TTC31: variants seen among roughly 807,000 people sequenced by gnomAD.
The protein encoded by TTC31 is tetratricopeptide repeat protein 31.
A neutral mutation model predicts 60.4 loss-of-function variants in TTC31; 59 were observed. The observed-to-expected ratio is 0.98, with a 90% CI of 0.79 to 1.21. The LOEUF (loss-of-function observed/expected upper bound fraction) is 1.21. Ranked by LOEUF, TTC31 falls within the 50% of genes most tolerant of loss-of-function variation. The pLI, the probability that TTC31 is intolerant of heterozygous loss-of-function variation, is 0.00. For synonymous variants in TTC31, 225 were observed against 249.6 expected (o/e 0.90, Z 0.93); for missense variants, 672 against 646.9 (o/e 1.04, Z -0.42).
At chr2:74,489,239 G>C (rs774784467) in intron 2 of TTC31, among the ~76,000 whole-genome samples, 3 of 152,202 alleles carry the variant, frequency 2.0e-5, no homozygotes, top group Non-Finnish European at 4.4e-5. Context: ...GAGATGAAAG[G>C]GTCTGGGAAG....
At chr2:74,489,060 G>T (rs931019798) in intron 2 of TTC31, among the ~76,000 whole-genome samples, 1 of 152,088 alleles carries the variant, frequency 6.6e-6, no homozygotes, top group African/African-American at 2.4e-5. Context: ...CACCTCAAAA[G>T]AAAAAATAAC....
At position 74,490,711 on chromosome 2, in the gene TTC31, A is replaced by G. The variant is rs1208666628; in HGVS notation, c.518A>G (p.Lys173Arg). 3.1e-6 allele frequency: 5 copies of G among 1,613,498 alleles called. No homozygotes were observed. The highest frequency in any genetic ancestry group is 4.2e-6 in the Non-Finnish European group (5 of 1,179,816). ...LVAEEERMKQKAEKKRLKKKR... is the reference protein window; with the variant it reads ...LVAEEERMKQRAEKKRLKKKR... ...GCTGAGGAGGAGCGCATGAAACAGA[A>G]AGCAGAGAAAAAGCGACTCAAGAAG... Residue 173 changes from lysine to arginine, a missense_variant, in exon 5 of 13, where the codon AAA (lysine) becomes AGA (arginine). By Grantham distance (26) the Lys-to-Arg change is conservative. Transcript: ENST00000233623.
Position 74,493,005 on chromosome 2 carries a change from A to C in TTC31, c.1347A>C (p.Ser449=). Reference sequence around the variant, plus strand: ...TTCCCCATGCTGAGCTGGCACCCTCAGGCCTACCTTCCCTCAGGTGCCCTC... The same window carrying C: ...TTCCCCATGCTGAGCTGGCACCCTCCGGCCTACCTTCCCTCAGGTGCCCTC... The part of the protein sequence containing the change: ...QPLPHAELAP[S]GLPSLRCPRS... Residue 449 remains serine (S), a synonymous_variant, in exon 13 of 13, where the codon TCA becomes TCC. Transcript: ENST00000233623. The C allele has an allele frequency of 6.2e-7, 1 of 1,614,148 alleles. No individual in the cohort carries two copies.
In TTC31 at chr2:74,493,023, G is replaced by A; in HGVS notation, c.1365G>A (p.Arg455=). ...ELAPSGLPSL[R]CPRSTALRSP... ...CACCCTCAGGCCTACCTTCCCTCAG[G>A]TGCCCTCGAAGCACTGCTTTGAGGT... The change falls in exon 13 of 13, where the codon AGG becomes AGA. Residue 455 remains arginine, a synonymous_variant. Transcript: ENST00000233623. 6.2e-7 allele frequency: 1 copy of A among 1,614,064 alleles called. No individual in the cohort carries two copies. Among genetic ancestry groups the A allele is most frequent in the Non-Finnish European group, 8.5e-7 (1 of 1,179,986 alleles).
At chr2:74,483,673 G>C (rs1015043188) in intron 2 of TTC31, 1 of 1,268,690 alleles carries the variant, frequency 7.9e-7, no homozygotes, top group African/African-American at 1.5e-5. Flanking sequence ...GAGTGGGTAC[G>C]AGTTCCTTGG....
intron 5 of TTC31, 140 bp downstream of exon 5, chr2:74,490,879 A>C (rs1409151492): frequency 5.1e-6 from 5 of 973,690 alleles, no homozygotes; most frequent in Non-Finnish European, 7.6e-6. Flanking sequence ...GGGCCCAGGG[A>C]CTGGGGGGTC....
chr2:74,490,178 G>A (rs1294885950), intron 3 of TTC31, 51 bp downstream of exon 3: 1 of 1,611,250 alleles, frequency 6.2e-7, no homozygotes, highest in East Asian at 2.2e-5. Flanking sequence ...ACCCTGGGAG[G>A]GCTGACCCTC....
At chr2:74,486,218 G>T (rs778121098) in intron 2 of TTC31, among the ~76,000 whole-genome samples, 4 of 151,514 alleles carry the variant, frequency 2.6e-5, no homozygotes, top group Admixed American at 6.6e-5. Flanking sequence ...GTGAGCCAAG[G>T]TTGCGCCATT....
chr2:74,493,465 G>A lies in TTC31; in HGVS notation c.*247G>A, dbSNP rs891818452. ...GTAAGGAAAAATAAAACCCACCAAG[G>A]CTCAAGAAGGGAACTATAGAAAAGT... On this transcript the variant is annotated 3_prime_UTR_variant, in exon 13 of 13. Coordinates refer to ENST00000233623, the MANE Select transcript of TTC31 (RefSeq NM_022492.6). The A allele has an allele frequency of 4.8e-5, 24 of 502,070 alleles. No individual in the cohort carries two copies. Among genetic ancestry groups the A allele is most frequent in the Non-Finnish European group, 7.7e-5 (22 of 284,280 alleles). The allele number at this position is 502,070 out of a possible 1,614,324, so 31.1% of individuals were successfully genotyped here.
chr2:74,483,194 T>A, intron 1 of TTC31, 59 bp downstream of exon 1: 2 of 1,613,652 alleles, frequency 1.2e-6, no homozygotes, highest in Non-Finnish European at 8.5e-7. Context: ...CCCTCTTGGG[T>A]CCACCTGTGG....
At chr2:74,485,548 G>A (rs1242351981) in intron 2 of TTC31, among the ~76,000 whole-genome samples, 2 of 146,748 alleles carry the variant, frequency 1.4e-5, no homozygotes, top group Non-Finnish European at 3.0e-5. Context: ...TTGGCTCACC[G>A]CAACCTCTGC....
chr2:74,485,627 C>G (rs993263033), intron 2 of TTC31, among the ~76,000 whole-genome samples: 1 of 151,650 alleles, frequency 6.6e-6, no homozygotes, highest in Non-Finnish European at 1.5e-5. Flanking sequence ...CCTGCCACCA[C>G]GCCTGGCTAA....
At chr2:74,484,438 A>C (rs1490259397) in intron 2 of TTC31, among the ~76,000 whole-genome samples, 2 of 151,850 alleles carry the variant, frequency 1.3e-5, no homozygotes, top group African/African-American at 4.8e-5. Flanking sequence ...GGATGTTCTC[A>C]AGTAGGCAAC....
rs371741611 is a variant in TTC31 at position 74,483,093 on chromosome 2, G to T, written c.-3G>T. The T allele has an allele frequency of 6.2e-7, 1 of 1,614,098 alleles. No homozygotes were observed. Among genetic ancestry groups the T allele is most frequent in the Admixed American group, 1.7e-5 (1 of 60,006 alleles). On this transcript the variant is annotated 5_prime_UTR_variant, in exon 1 of 13. It removes an upstream start codon present in the reference 5' UTR. Coordinates refer to ENST00000233623, the MANE Select transcript of TTC31 (RefSeq NM_022492.6). ...CTTTCATTTCCGGGTCACTGTAGAT[G>T]CGATGGCGCCGATTCCAAAGACTGT...
chr2:74,489,999 T>TCCCCCCCCCCC, intron 2 of TTC31, 26 bp from the exon 3 acceptor site: 1 of 1,367,294 alleles, frequency 7.3e-7, no homozygotes, highest in Non-Finnish European at 1.0e-6. Context: ...AACACCAGCC[T>TCCCCCCCCCCC]CCCCTCCCCT....
chr2:74,483,454 C>T, intron 2 of TTC31, 44 bp downstream of exon 2: 1 of 1,613,774 alleles, frequency 6.2e-7, no homozygotes, highest in African/African-American at 1.3e-5. Flanking sequence ...TCATTTTGGT[C>T]ACGCCTCTTT....
Position 74,491,306 on chromosome 2 carries a change from C to T in TTC31, c.615C>T (p.Thr205=). 6.2e-7 allele frequency: 1 copy of T among 1,614,170 alleles called. No individual in the cohort carries two copies. The highest frequency in any genetic ancestry group is 8.5e-7 in the Non-Finnish European group (1 of 1,180,034). ...TATCTTTCTTCCAGGCCAGCACTAC[C>T]TCAGATGGAGATGAGAGCCCCCCAT... ...QYCGEPKAST[T]SDGDESPPSS... The change falls in exon 7 of 13, where the codon ACC becomes ACT. Residue 205 remains threonine, a synonymous_variant. Transcript: ENST00000233623.
At chr2:74,485,419 C>G (rs1672982865) in intron 2 of TTC31, among the ~76,000 whole-genome samples, 1 of 151,668 alleles carries the variant, frequency 6.6e-6, no homozygotes, top group South Asian at 2.1e-4. Flanking sequence ...TTGTATCTGG[C>G]CTGAACTAAA....
chr2:74,491,465 T>G lies in TTC31; in HGVS notation c.685-16T>G. On this transcript the variant is annotated splice_polypyrimidine_tract_variant and intron_variant, in intron 7 of 12. Transcript: ENST00000233623. ...TTCATCCCCACCCCCTCCCTAACTT[T>G]CCATTTTGTTCACAGGACTCACTGG... 1 of 1,611,824 alleles carries G rather than the reference T, an allele frequency of 6.2e-7. No individual in the cohort carries two copies. The highest frequency in any genetic ancestry group is 1.3e-5 in the African/African-American group (1 of 74,760).
Sources: allele counts gnomAD v4.1 joint callset (sites outside exome capture counted in the v4.1 genomes callset), GRCh38; gene constraint gnomAD v4.1.1; transcripts MANE v1.5; gene names NCBI Gene and HGNC (gene_info 2026-07-23, HGNC 2026-07-21).